The following CAMTA1 variants were observed in gnomAD, a reference collection of about 807,000 sequenced individuals.
CAMTA1 encodes the protein calmodulin-binding transcription activator 1.
In CAMTA1, 27 loss-of-function variants were observed where a neutral mutation model predicts 170.9. The ratio of observed to expected loss-of-function variants is 0.16; its 90% CI spans 0.12 to 0.22. CAMTA1 has a LOEUF of 0.22. Among genes scored for constraint, CAMTA1 ranks in the 10% least tolerant of loss-of-function variants. The probability of loss-of-function intolerance (pLI) is 1.00; values close to 1 mark genes in which losing one functional copy is unlikely to be tolerated. For synonymous variants in CAMTA1, 833 were observed against 891.5 expected (o/e 0.93, Z 1.17); for missense variants, 1,619 against 2,217.2 (o/e 0.73, Z 5.42).
chr1:6,800,498 T>C (rs1165734779), intron 1 of CAMTA1, among the ~76,000 whole-genome samples: 1 of 152,066 alleles, frequency 6.6e-6, no homozygotes, highest in Non-Finnish European at 1.5e-5. Context: ...AGATCTGAGG[T>C]CTTTGTTCAG....
chr1:7,050,611 A>G lies in CAMTA1; in HGVS notation c.235-40693A>G, dbSNP rs1360007571. Among the ~76,000 whole-genome samples the G allele has an allele frequency of 6.6e-6, 1 of 151,864 alleles. No individual in the cohort carries two copies. The highest frequency in any genetic ancestry group is 1.5e-5 in the Non-Finnish European group (1 of 68,008). On this transcript the variant is annotated intron_variant, in intron 3 of 22. Coordinates refer to ENST00000303635, the MANE Select transcript of CAMTA1 (RefSeq NM_015215.4). This position sits in a 1 kb window ranked among gnomAD's most constrained non-coding sequence, Gnocchi z 4.8. ...ATATCTGTCTCGGCAGTACCAGGCT[A>G]TTTGAACATGTCTTTGTAGGTTTAT...
At chr1:7,544,807 T>C (rs1427666371) in intron 6 of CAMTA1, among the ~76,000 whole-genome samples, 1 of 152,136 alleles carries the variant, frequency 6.6e-6, no homozygotes, top group Non-Finnish European at 1.5e-5. Flanking sequence ...AGATAACACG[T>C]GGCAAGAGAG....
chr1:7,374,303 C>T (rs770741015), intron 5 of CAMTA1, among the ~76,000 whole-genome samples: 3 of 152,172 alleles, frequency 2.0e-5, no homozygotes, highest in Admixed American at 6.6e-5. Flanking sequence ...TTGTTTTCTC[C>T]GTATTAGAAA....
intron 5 of CAMTA1, among the ~76,000 whole-genome samples, chr1:7,334,561 G>C (rs1262431594): frequency 6.6e-6 from 1 of 152,186 alleles, no homozygotes; most frequent in Non-Finnish European, 1.5e-5. Context: ...GGCAGCTTCC[G>C]GGGCTTTGCA....
At chr1:7,469,896 G>T (rs1453218397) in intron 6 of CAMTA1, among the ~76,000 whole-genome samples, 1 of 152,242 alleles carries the variant, frequency 6.6e-6, no homozygotes, top group African/African-American at 2.4e-5. Context: ...GCGAGGAGAG[G>T]GGTCCTGCTC....
intron 3 of CAMTA1, among the ~76,000 whole-genome samples, chr1:6,889,959 C>T (rs906900652): frequency 6.6e-6 from 1 of 152,200 alleles, no homozygotes; most frequent in Non-Finnish European, 1.5e-5. Context: ...AAGCCACTGT[C>T]AAAATTACAT....
At chr1:7,295,090 A>G (rs986835573) in intron 5 of CAMTA1, among the ~76,000 whole-genome samples, 4 of 152,166 alleles carry the variant, frequency 2.6e-5, no homozygotes, top group African/African-American at 9.7e-5. Context: ...GTGTTCAAAT[A>G]CTGACTCCAC....
rs892247484 is a variant in CAMTA1, at chr1:7,195,332, G to C, written c.303-54159G>C. 6.6e-6 allele frequency among the ~76,000 whole-genome samples: 1 copy of C among 152,196 alleles called. No homozygotes were observed. Among genetic ancestry groups the C allele is most frequent in the Non-Finnish European group, 1.5e-5 (1 of 68,038 alleles). The stretch of plus-strand genomic sequence containing the variant: ...ATGACAAGTGCGACTTCATGGCACA[G>C]ATTTTCGGAGTCCAAGTGTTGCTAT... On this transcript the variant is annotated intron_variant, in intron 4 of 22. Transcript: ENST00000303635. The surrounding 1 kb of genome is among the most constrained non-coding windows in gnomAD (Gnocchi z 4.1).
intron 6 of CAMTA1, among the ~76,000 whole-genome samples, chr1:7,468,675 C>T (rs149351168): frequency 1.5e-3 from 228 of 152,362 alleles, no homozygotes; most frequent in Non-Finnish European, 2.7e-3. Flanking sequence ...AGAACCCATT[C>T]CCCATGGCCT....
At chr1:7,692,516 A>C (rs2096328300) in intron 11 of CAMTA1, among the ~76,000 whole-genome samples, 1 of 152,132 alleles carries the variant, frequency 6.6e-6, no homozygotes, top group South Asian at 2.1e-4. Flanking sequence ...AAGGAAAGAA[A>C]GAACGAAAGA....
At chr1:7,204,832 T>A (rs1415660101) in intron 4 of CAMTA1, among the ~76,000 whole-genome samples, 5 of 20,504 alleles carry the variant, frequency 2.4e-4, no homozygotes, top group African/African-American at 7.1e-4. Flanking sequence ...CTTTTTTTCT[T>A]TTTTTTTTTT....
At chr1:6,870,880 A>G (rs1243832372) in intron 3 of CAMTA1, among the ~76,000 whole-genome samples, 2 of 152,238 alleles carry the variant, frequency 1.3e-5, no homozygotes, top group African/African-American at 4.8e-5. Context: ...GTGTTATGAT[A>G]CTGTTCATTT....
intron 5 of CAMTA1, among the ~76,000 whole-genome samples, chr1:7,291,995 G>A (rs1673204674): frequency 6.6e-6 from 1 of 152,186 alleles, no homozygotes; most frequent in Admixed American, 6.5e-5. Context: ...ATTGCAGGGA[G>A]GATGCTGGGT....
chr1:7,291,180 G>T lies in CAMTA1; in HGVS notation c.438+41554G>T, dbSNP rs1283157020. Among the ~76,000 whole-genome samples the T allele has an allele frequency of 2.6e-5, 4 of 152,160 alleles. No individual in the cohort carries two copies. In the East Asian group the frequency reaches 7.7e-4, roughly 29 times the overall value. On this transcript the variant is annotated intron_variant, in intron 5 of 22. Coordinates refer to ENST00000303635, the MANE Select transcript of CAMTA1 (RefSeq NM_015215.4). ...CTAGAAGGACCTTCACTCCATGACA[G>T]ACACAGTACCCAGAGGCTGGGAAAG...
chr1:6,807,444 G>C (rs571445076), intron 1 of CAMTA1, among the ~76,000 whole-genome samples: 100 of 152,222 alleles, frequency 6.6e-4, no homozygotes, highest in African/African-American at 2.3e-3. Flanking sequence ...GCTTTTGGTT[G>C]ATTGTTTTCA....
intron 5 of CAMTA1, among the ~76,000 whole-genome samples, chr1:7,264,773 C>T (rs990714900): frequency 3.3e-5 from 5 of 152,122 alleles, no homozygotes; most frequent in African/African-American, 4.8e-5. Context: ...GAAAAAATAT[C>T]GCAGACTTCA....
At chr1:7,541,084 T>C (rs2094606464) in intron 6 of CAMTA1, among the ~76,000 whole-genome samples, 1 of 152,210 alleles carries the variant, frequency 6.6e-6, no homozygotes. Context: ...AGAGTGACCT[T>C]CCTCGAGGCT....
chr1:7,045,333 A>G (rs1487145214), intron 3 of CAMTA1, among the ~76,000 whole-genome samples: 1 of 152,150 alleles, frequency 6.6e-6, no homozygotes, highest in Non-Finnish European at 1.5e-5. Flanking sequence ...GTTGCTAGCC[A>G]CACCTGCCCG....
intron 7 of CAMTA1, among the ~76,000 whole-genome samples, chr1:7,660,564 C>T (rs1274961052): frequency 6.6e-6 from 1 of 152,128 alleles, no homozygotes; most frequent in African/African-American, 2.4e-5. Context: ...AAAACTTGGA[C>T]TCAAATCCAT....
Sources: allele counts gnomAD v4.1 joint callset (sites outside exome capture counted in the v4.1 genomes callset), GRCh38; gene constraint gnomAD v4.1.1; non-coding constraint Gnocchi (gnomAD v3.1); transcripts MANE v1.5; gene names NCBI Gene and HGNC (gene_info 2026-07-23, HGNC 2026-07-21).